AHCYL2: variants seen among roughly 807,000 people sequenced by gnomAD.
The protein encoded by AHCYL2 is adenosylhomocysteinase like 2.
AHCYL2 carries 28 observed loss-of-function variants against 81.4 expected under a neutral mutation model. The observed-to-expected ratio is 0.34, with a 90% CI of 0.25 to 0.47. AHCYL2 has a LOEUF of 0.47. Ranked by LOEUF, AHCYL2 falls within the 20% of genes least tolerant of loss-of-function variation. The pLI, the probability that AHCYL2 is intolerant of heterozygous loss-of-function variation, is 1.00. For missense variants in AHCYL2, 551 were observed against 785.1 expected, an observed-to-expected ratio of 0.70 and a Z score of 3.56; for synonymous variants, 272 against 290.2, an observed-to-expected ratio of 0.94 and a Z score of 0.64.
rs184025466 is a variant in AHCYL2, at chr7:129,282,984, C to T, written c.363+57545C>T. Reference sequence around the variant, plus strand: ...TTAATTACGGGGTTTTCCAGTTTGGCTGGTGGGAACAGGCATTGTTCTTGT... The same window carrying T: ...TTAATTACGGGGTTTTCCAGTTTGGTTGGTGGGAACAGGCATTGTTCTTGT... On this transcript the variant is annotated intron_variant, in intron 1 of 16. Coordinates refer to ENST00000325006, the MANE Select transcript of AHCYL2 (RefSeq NM_015328.4). Among the ~76,000 whole-genome samples the T allele has an allele frequency of 2.8e-3, 432 of 152,238 alleles. 4 individuals are homozygous for T. The highest frequency in any genetic ancestry group is 9.8e-3 in the African/African-American group (407 of 41,534).
chr7:129,322,076 G>A (rs1277659203), intron 1 of AHCYL2, among the ~76,000 whole-genome samples: 1 of 150,376 alleles, frequency 6.6e-6, no homozygotes, highest in African/African-American at 2.4e-5. Flanking sequence ...TTAAATATTT[G>A]GAATTCACCA....
At chr7:129,395,000 T>C (rs909186239) in intron 4 of AHCYL2, among the ~76,000 whole-genome samples, 8 of 152,024 alleles carry the variant, frequency 5.3e-5, no homozygotes, top group African/African-American at 1.7e-4. Flanking sequence ...TTCCTGACAG[T>C]GGGTTTTTTT....
intron 1 of AHCYL2, among the ~76,000 whole-genome samples, chr7:129,341,622 G>C (rs1411457332): frequency 2.6e-5 from 4 of 152,176 alleles, no homozygotes; most frequent in African/African-American, 9.7e-5. Flanking sequence ...AAGAGATCTG[G>C]CGGCGGCAGT....
intron 1 of AHCYL2, among the ~76,000 whole-genome samples, chr7:129,321,743 G>GTTTTTTTTTTTTTTTTTTGGTTTTTT (rs1798023976): frequency 1.3e-5 from 1 of 77,626 alleles, no homozygotes; most frequent in African/African-American, 4.6e-5. Flanking sequence ...TTCTTTCTTT[G>GTTTTTTTTTTTTTTTTTTGGTTTTTT]TTTTTTTTTT....
intron 1 of AHCYL2, among the ~76,000 whole-genome samples, chr7:129,345,299 C>T (rs1025828496): frequency 7.2e-5 from 11 of 152,116 alleles, no homozygotes; most frequent in African/African-American, 2.2e-4. Flanking sequence ...AGTCTGCCAC[C>T]TGAAGGTGAA....
At chr7:129,239,456 G>A (rs915074366) in intron 1 of AHCYL2, among the ~76,000 whole-genome samples, 17 of 150,906 alleles carry the variant, frequency 1.1e-4, no homozygotes, top group Non-Finnish European at 2.5e-4. Flanking sequence ...TAGAGATGGG[G>A]GTCTTGCTTT....
chr7:129,337,418 G>A (rs1387429463), intron 1 of AHCYL2, among the ~76,000 whole-genome samples: 1 of 151,168 alleles, frequency 6.6e-6, no homozygotes, highest in Non-Finnish European at 1.5e-5. Flanking sequence ...TTATTTTTTT[G>A]GAGATGGAGT....
chr7:129,326,518 G>A (rs187152194), intron 1 of AHCYL2, among the ~76,000 whole-genome samples: 2 of 151,854 alleles, frequency 1.3e-5, no homozygotes, highest in East Asian at 1.9e-4. Context: ...AGAGTGAGAC[G>A]CCAACTCAAA....
At chr7:129,349,672 A>AG (rs1554484885) in intron 1 of AHCYL2, among the ~76,000 whole-genome samples, 1 of 150,020 alleles carries the variant, frequency 6.7e-6, no homozygotes, top group East Asian at 1.9e-4. Flanking sequence ...AAAAAAAAAA[A>AG]GCGTATGCCA....
intron 1 of AHCYL2, among the ~76,000 whole-genome samples, chr7:129,234,489 C>T (rs1794569708): frequency 6.6e-6 from 1 of 152,024 alleles, no homozygotes; most frequent in Admixed American, 6.6e-5. Flanking sequence ...GTGATCTGCC[C>T]ACTTTGGCCT....
intron 1 of AHCYL2, among the ~76,000 whole-genome samples, chr7:129,285,688 C>G (rs1006248145): frequency 1.5e-5 from 2 of 134,894 alleles, no homozygotes; most frequent in African/African-American, 5.3e-5. Context: ...TTTTCTTTCT[C>G]TCTCTCTCTT....
At chr7:129,225,719 A>G (rs1794190210) in intron 1 of AHCYL2, among the ~76,000 whole-genome samples, 2 of 152,148 alleles carry the variant, frequency 1.3e-5, no homozygotes, top group South Asian at 4.1e-4. Context: ...GAGACACCTA[A>G]TAGTACGTCC....
At chr7:129,358,413 C>A (rs1027957735) in intron 1 of AHCYL2, among the ~76,000 whole-genome samples, 8 of 149,628 alleles carry the variant, frequency 5.3e-5, no homozygotes, top group South Asian at 2.1e-4. Context: ...AAAAAAAAAA[C>A]AAAAAGGAAT....
intron 1 of AHCYL2, among the ~76,000 whole-genome samples, chr7:129,249,512 G>A (rs971699005): frequency 4.0e-5 from 6 of 151,788 alleles, no homozygotes; most frequent in African/African-American, 1.4e-4. Flanking sequence ...TGCAAGCTCC[G>A]CTTCCCGGGT....
At chr7:129,416,285 C>G (rs1231319081) in intron 12 of AHCYL2, among the ~76,000 whole-genome samples, 1 of 152,148 alleles carries the variant, frequency 6.6e-6, no homozygotes, top group Non-Finnish European at 1.5e-5. Context: ...TATATGCCAG[C>G]TGTTGTTCTA....
chr7:129,245,111 G>A (rs528374688), intron 1 of AHCYL2, among the ~76,000 whole-genome samples: 27 of 145,448 alleles, frequency 1.9e-4, no homozygotes, highest in Non-Finnish European at 3.3e-4. Context: ...TGCAGTCTCC[G>A]CCTCCTGGGC....
intron 1 of AHCYL2, among the ~76,000 whole-genome samples, chr7:129,240,830 G>A (rs1321019286): frequency 1.3e-5 from 2 of 152,094 alleles, no homozygotes; most frequent in South Asian, 2.1e-4. Flanking sequence ...CTGTGGGTGC[G>A]TGGGACCGAG....
At chr7:129,317,847 CATA>C (rs1416003785) in intron 1 of AHCYL2, among the ~76,000 whole-genome samples, 1 of 152,106 alleles carries the variant, frequency 6.6e-6, no homozygotes, top group Non-Finnish European at 1.5e-5. Flanking sequence ...TTTACAATAG[CATA>C]ATAAATACTA....
chr7:129,298,883 C>T (rs949010110), intron 1 of AHCYL2, among the ~76,000 whole-genome samples: 1 of 152,154 alleles, frequency 6.6e-6, no homozygotes, highest in East Asian at 1.9e-4. Context: ...TAAAACTTTT[C>T]TTGGTCTAAA....
Sources: gnomAD v4.1 joint callset for allele counts (sites outside exome capture counted in the v4.1 genomes callset) on GRCh38, gnomAD v4.1.1 for gene constraint, MANE v1.5 for transcripts, NCBI Gene and HGNC (gene_info 2026-07-23, HGNC 2026-07-21) for gene names.